CD207: variants seen among roughly 807,000 people sequenced by gnomAD.
The protein encoded by CD207 is C-type lectin domain family 4 member K.
In CD207, 28 loss-of-function variants were observed where a neutral mutation model predicts 31.6. That is an observed-to-expected ratio of 0.89 (90% CI 0.66 to 1.21). CD207 has a LOEUF of 1.21. Ranked by LOEUF, CD207 falls within the 50% of genes most tolerant of loss-of-function variation. The pLI is 0.00. For missense variants in CD207, 388 were observed against 397.8 expected, an observed-to-expected ratio of 0.98 and a Z score of 0.21; for synonymous variants, 168 against 153.9, an observed-to-expected ratio of 1.09 and a Z score of -0.68.
chr2:70,834,793 A>C (rs190531575), intron 2 of CD207, among the ~76,000 whole-genome samples: 5,884 of 151,890 alleles, frequency 0.039, 386 homozygotes, highest in African/African-American at 0.13. Flanking sequence ...CAGAGGGAGA[A>C]AAAAAAACCC....
In CD207 at chr2:70,835,798, T is replaced by C; in HGVS notation, c.-22A>G. ...TCATCCTGAGTGCTCACCCTTATCC[T>C]GGGAGCACAGGTGCTTCTGGCTGCC... On this transcript the variant is annotated 5_prime_UTR_variant, in exon 1 of 6. Coordinates refer to ENST00000410009, the MANE Select transcript of CD207 (RefSeq NM_015717.5). 3.8e-6 allele frequency: 6 copies of C among 1,591,144 alleles called. No individual in the cohort carries two copies. Among genetic ancestry groups the C allele is most frequent in the Non-Finnish European group, 5.2e-6 (6 of 1,164,466 alleles).
At chr2:70,826,674 C>G (rs1295576646), downstream of CD207, among the ~76,000 whole-genome samples, 1 of 152,190 alleles carries the variant, frequency 6.6e-6, no homozygotes, top group Non-Finnish European at 1.5e-5. Flanking sequence ...CATGCCTGCA[C>G]TTTTCTGCAA....
intron 3 of CD207, 92 bp from the exon 4 acceptor site, chr2:70,833,143 G>T: frequency 8.2e-7 from 1 of 1,217,778 alleles, no homozygotes; most frequent in Non-Finnish European, 1.2e-6. Context: ...CTCAGAGACA[G>T]CAGCAAATGG....
At chr2:70,835,434 G>T (rs555101184) in intron 2 of CD207, 57 bp downstream of exon 2, 1 of 1,251,946 alleles carries the variant, frequency 8.0e-7, no homozygotes, top group Non-Finnish European at 1.2e-6. Context: ...CGATCTGAAG[G>T]GAGCCGGCTG....
At chr2:70,835,187 G>A (rs1677579016) in intron 2 of CD207, among the ~76,000 whole-genome samples, 1 of 152,208 alleles carries the variant, frequency 6.6e-6, no homozygotes, top group Non-Finnish European at 1.5e-5. Flanking sequence ...GGGTGGACGG[G>A]GAGAAAATAG....
chr2:70,835,706 C>T lies in CD207; in HGVS notation c.71G>A (p.Arg24Gln), dbSNP rs782521829. The stretch of plus-strand genomic sequence containing the variant: ...TTCTCAGCAGCGATGTGGCTTGCCT[C>T]GGGGCCAGAGGGAGATGTTCTGTTT... Reference protein sequence around the residue: ...VDKQNISLWPREPPPKSGPSL... With the variant: ...VDKQNISLWPQEPPPKSGPSL... Residue 24 changes from arginine (R) to glutamine (Q), a missense_variant and splice_region_variant, in exon 1 of 6, where the codon CGA becomes CAA. Coordinates refer to ENST00000410009, the MANE Select transcript of CD207 (RefSeq NM_015717.5). The T allele has an allele frequency of 4.5e-5, 72 of 1,613,236 alleles. No individual in the cohort carries two copies. Among genetic ancestry groups the T allele is most frequent in the South Asian group, 1.2e-4 (11 of 90,918 alleles).
At chr2:70,826,342 A>G (rs1432651655), downstream of CD207, among the ~76,000 whole-genome samples, 1 of 151,150 alleles carries the variant, frequency 6.6e-6, no homozygotes, top group Non-Finnish European at 1.5e-5. Flanking sequence ...TCCCTGGGTC[A>G]CATGACTGCA....
Position 70,833,689 on chromosome 2 carries a change from G to A in CD207, c.522C>T (p.Leu174=), listed in dbSNP as rs557014921. The A allele has an allele frequency of 1.3e-5, 21 of 1,613,830 alleles. No individual in the cohort carries two copies. The African/African-American group carries it at 1.7e-4, about 13-fold the overall frequency. Residue 174 remains leucine (L), a synonymous_variant, in exon 3 of 6, where the codon CTC becomes CTT. Transcript: ENST00000410009. ...ASALNTKIRA[L]QGSLENMSKL... ...TGCTCATATTCTCCAAGCTGCCCTG[G>A]AGTGCCCGGATCTTTGTATTTAAAG...
downstream of CD207, among the ~76,000 whole-genome samples, chr2:70,828,068 C>A (rs577584980): frequency 2.3e-4 from 35 of 152,316 alleles, no homozygotes; most frequent in African/African-American, 7.0e-4. Flanking sequence ...AGAAAAAGTT[C>A]TCACCTGTCC....
At chr2:70,835,424 C>T (rs909591733) in intron 2 of CD207, 67 bp downstream of exon 2, 11 of 1,113,512 alleles carry the variant, frequency 9.9e-6, no homozygotes, top group Middle Eastern at 2.8e-4. Context: ...GAAGTGGTCT[C>T]GATCTGAAGG....
chr2:70,831,063 G>A lies in CD207; in HGVS notation c.974C>T (p.Pro325Leu). Residue 325 changes from proline to leucine, a missense_variant, in exon 6 of 6, where the codon CCA becomes CTA. Transcript: ENST00000410009. ...FLFICKRPYV[P>L]SEP is the part of the protein sequence containing the mutation. Reference sequence around the variant, plus strand: ...GAGCCTGTCCTGTCACGGTTCTGATGGGACATAGGGTCGCTTACAAATGAA... The same window carrying A: ...GAGCCTGTCCTGTCACGGTTCTGATAGGACATAGGGTCGCTTACAAATGAA... 6.2e-7 allele frequency: 1 copy of A among 1,613,624 alleles called. No homozygotes were observed. The highest frequency in any genetic ancestry group is 2.2e-5 in the East Asian group (1 of 44,884).
At chr2:70,827,968 G>C (rs1544652), downstream of CD207, among the ~76,000 whole-genome samples, 92,826 of 151,884 alleles carry the variant, frequency 0.61, 28,762 homozygotes, top group Middle Eastern at 0.7. Flanking sequence ...AACATTGAAA[G>C]AGGGCATGTC....
At chr2:70,834,099 G>A in intron 2 of CD207, 79 bp from the exon 3 acceptor site, 1 of 1,317,132 alleles carries the variant, frequency 7.6e-7, no homozygotes, top group Non-Finnish European at 1.0e-6. Flanking sequence ...TTGATCAAAG[G>A]AAGGGAAGGA....
chr2:70,828,814 C>T (rs1553399234), downstream of CD207, among the ~76,000 whole-genome samples: 1 of 152,094 alleles, frequency 6.6e-6, no homozygotes, highest in Non-Finnish European at 1.5e-5. Flanking sequence ...TACAGGTGCC[C>T]ACCACCATGC....
the CD207 span, among the ~76,000 whole-genome samples, chr2:70,824,304 T>C: frequency 6.6e-6 from 1 of 152,120 alleles, no homozygotes; most frequent in Non-Finnish European, 1.5e-5. Context: ...TTTTATTCCG[T>C]TCGTCTCCTA....
chr2:70,831,985 C>T (rs1212123282), intron 4 of CD207, among the ~76,000 whole-genome samples, 166 bp from the exon 5 acceptor site: 1 of 152,206 alleles, frequency 6.6e-6, no homozygotes, highest in Admixed American at 6.5e-5. Context: ...CAGATTTCAT[C>T]TTCCAGATTA....
At chr2:70,827,752 A>G (rs1183344760), downstream of CD207, among the ~76,000 whole-genome samples, 2 of 151,848 alleles carry the variant, frequency 1.3e-5, no homozygotes, top group African/African-American at 4.8e-5. Flanking sequence ...GAGAGAGAGA[A>G]AGAGAAAGCG....
Position 70,833,806 on chromosome 2 carries a change from T to C in CD207, c.405A>G (p.Ala135=). The part of the protein sequence containing the change: ...KLKTSVEKAN[A]QIQILTRSWE... ...AACTTCTTGTTAAGATCTGGATCTGTGCGTTGGCCTTCTCCACACTGGTTT... is the reference window on the plus strand; with the variant it reads ...AACTTCTTGTTAAGATCTGGATCTGCGCGTTGGCCTTCTCCACACTGGTTT... The change falls in exon 3 of 6, where the codon GCA becomes GCG. Residue 135 remains alanine (A), a synonymous_variant. Transcript: ENST00000410009. 1 of 1,614,048 alleles carries C rather than the reference T, an allele frequency of 6.2e-7. No homozygotes were observed. The highest frequency in any genetic ancestry group is 2.2e-5 in the East Asian group (1 of 44,892).
downstream of CD207, chr2:70,830,183 C>A (rs1553399424): frequency 6.6e-6 from 1 of 152,164 alleles, no homozygotes; most frequent in Admixed American, 6.5e-5. Flanking sequence ...TTCACCTGGA[C>A]AACCAGAAAT....
Sources: gnomAD v4.1 joint callset for allele counts (sites outside exome capture counted in the v4.1 genomes callset) on GRCh38, gnomAD v4.1.1 for gene constraint, MANE v1.5 for transcripts, NCBI Gene and HGNC (gene_info 2026-07-23, HGNC 2026-07-21) for gene names.